The following PDE4D variants were observed in gnomAD, a reference collection of about 807,000 sequenced individuals.
PDE4D encodes the protein phosphodiesterase 4D.
A neutral mutation model predicts 87.4 loss-of-function variants in PDE4D; 24 were observed. The observed-to-expected ratio is 0.27, with a 90% CI of 0.20 to 0.39. PDE4D has a LOEUF of 0.39. PDE4D is among the 10% of genes least tolerant of loss of function. The probability of loss-of-function intolerance (pLI) is 1.00; values close to 1 mark genes in which losing one functional copy is unlikely to be tolerated. For missense variants in PDE4D, 714 were observed against 1,041.0 expected (o/e 0.69, Z 4.32); for synonymous variants, 384 against 383.2 (o/e 1.00, Z -0.02).
intron 5 of PDE4D, among the ~76,000 whole-genome samples, chr5:59,098,597 G>C (rs146646672): frequency 6.7e-6 from 1 of 150,018 alleles, no homozygotes; most frequent in Non-Finnish European, 1.5e-5. Flanking sequence ...CCAGCTACTC[G>C]TGAGGCTGAA....
chr5:59,865,309 G>A (rs1001939542), intron 1 of PDE4D, among the ~76,000 whole-genome samples: 5 of 152,166 alleles, frequency 3.3e-5, no homozygotes, highest in African/African-American at 9.7e-5. Flanking sequence ...TATGAGTAAC[G>A]AATATATTTT....
intron 1 of PDE4D, among the ~76,000 whole-genome samples, chr5:60,475,693 G>A (rs1275276174): frequency 1.3e-5 from 2 of 152,010 alleles, no homozygotes; most frequent in Admixed American, 1.3e-4. Context: ...AGACAGTAGT[G>A]TACAAAACAG....
At chr5:60,083,465 C>T (rs186088237) in intron 2 of PDE4D, among the ~76,000 whole-genome samples, 25 of 152,180 alleles carry the variant, frequency 1.6e-4, no homozygotes, top group Non-Finnish European at 2.2e-4. Flanking sequence ...TAAAACTCTA[C>T]AAAATCTAAT....
At chr5:59,374,039 G>C (rs1784342588) in intron 1 of PDE4D, among the ~76,000 whole-genome samples, 1 of 152,086 alleles carries the variant, frequency 6.6e-6, no homozygotes, top group African/African-American at 2.4e-5. Context: ...ACTAAATATA[G>C]AAAGGAAAGA....
At chr5:60,162,000 T>A (rs767103090) in intron 2 of PDE4D, among the ~76,000 whole-genome samples, 1 of 152,102 alleles carries the variant, frequency 6.6e-6, no homozygotes, top group Non-Finnish European at 1.5e-5. Context: ...ACCAAAAGCA[T>A]CAACCTACCA....
chr5:60,082,826 A>C (rs13164971), intron 2 of PDE4D, among the ~76,000 whole-genome samples: 44,738 of 152,018 alleles, frequency 0.29, 7,353 homozygotes, highest in East Asian at 0.75. Context: ...CTGGCCTCCC[A>C]TCAGTTCCTC....
chr5:60,208,310 T>C (rs1035061416), intron 1 of PDE4D, among the ~76,000 whole-genome samples: 1 of 152,146 alleles, frequency 6.6e-6, no homozygotes, highest in African/African-American at 2.4e-5. Flanking sequence ...AACAGCTTAA[T>C]GGAGGGGCAG....
At chr5:59,656,272 A>G (rs1744342169) in intron 1 of PDE4D, among the ~76,000 whole-genome samples, 1 of 152,062 alleles carries the variant, frequency 6.6e-6, no homozygotes, top group Non-Finnish European at 1.5e-5. Context: ...CACACATACA[A>G]TAAACTCACA....
At chr5:60,422,698 T>G (rs1222680206) in intron 1 of PDE4D, among the ~76,000 whole-genome samples, 1 of 152,144 alleles carries the variant, frequency 6.6e-6, no homozygotes, top group Admixed American at 6.5e-5. Context: ...ATAACAATAT[T>G]AACCTTAAAT....
At chr5:60,338,656 T>C (rs924374742) in intron 1 of PDE4D, among the ~76,000 whole-genome samples, 19 of 152,144 alleles carry the variant, frequency 1.2e-4, no homozygotes, top group African/African-American at 4.3e-4. Context: ...CTTCGAGGTA[T>C]GGAAGTGCTT....
chr5:59,744,406 A>G (rs1403239067), intron 1 of PDE4D, among the ~76,000 whole-genome samples: 1 of 152,166 alleles, frequency 6.6e-6, no homozygotes, highest in Admixed American at 6.6e-5. Context: ...ACTTTTGATC[A>G]CTTTACAAGG....
chr5:59,868,409 A>G (rs1224513377), intron 1 of PDE4D, among the ~76,000 whole-genome samples: 1 of 152,142 alleles, frequency 6.6e-6, no homozygotes, highest in African/African-American at 2.4e-5. Flanking sequence ...TATGCATCAC[A>G]TTGTATAGCT....
intron 1 of PDE4D, among the ~76,000 whole-genome samples, chr5:59,306,308 C>G (rs1001446054): frequency 6.6e-6 from 1 of 152,146 alleles, no homozygotes; most frequent in African/African-American, 2.4e-5. Context: ...CTCCTGAAGG[C>G]AGCAGATAGT....
intron 1 of PDE4D, among the ~76,000 whole-genome samples, chr5:59,643,977 G>A (rs1742031601): frequency 1.3e-5 from 2 of 152,134 alleles, no homozygotes; most frequent in African/African-American, 4.8e-5. Flanking sequence ...ACTTCAAGAA[G>A]AGAAGTATGC....
chr5:58,997,837 G>C (rs6886495), intron 6 of PDE4D, among the ~76,000 whole-genome samples: 15,329 of 152,028 alleles, frequency 0.1, 1,034 homozygotes, highest in Non-Finnish European at 0.13. Context: ...ATTTACATTA[G>C]GCATTTAAGA....
In PDE4D at chr5:59,085,661, A is replaced by T. The variant is rs543840838; in HGVS notation, c.809-46690T>A. Among the ~76,000 whole-genome samples, 3 of 152,328 alleles carry T rather than the reference A, an allele frequency of 2.0e-5. No individual in the cohort carries two copies. In the East Asian group the frequency reaches 5.8e-4, roughly 29 times the overall value. On this transcript the variant is annotated intron_variant, in intron 5 of 14. Coordinates refer to ENST00000340635, the MANE Select transcript of PDE4D (RefSeq NM_001104631.2). ...GTCCCAGGCACGGCAAAATGTGCGG[A>T]TACCCTGGAGATGTATCTTGACTTT... is the stretch of plus-strand genomic sequence containing the variant.
At chr5:59,326,490 G>GAGGTGTT (rs1481767792) in intron 1 of PDE4D, among the ~76,000 whole-genome samples, 1 of 151,564 alleles carries the variant, frequency 6.6e-6, no homozygotes, top group Non-Finnish European at 1.5e-5. Context: ...AGTCCAAATT[G>GAGGTGTT]AGATGTGTCA....
At chr5:59,921,207 A>G (rs1034255526) in intron 3 of PDE4D, among the ~76,000 whole-genome samples, 1 of 152,206 alleles carries the variant, frequency 6.6e-6, no homozygotes, top group East Asian at 1.9e-4. Context: ...ATTAAAAATT[A>G]TTATTATTAG....
chr5:60,071,521 T>A (rs549260774), intron 2 of PDE4D, among the ~76,000 whole-genome samples: 1 of 152,156 alleles, frequency 6.6e-6, no homozygotes, highest in East Asian at 1.9e-4. Context: ...CAAATATTAT[T>A]CAAAAGATTT....
Sources: allele counts gnomAD v4.1 joint callset (sites outside exome capture counted in the v4.1 genomes callset), GRCh38; gene constraint gnomAD v4.1.1; transcripts MANE v1.5; gene names NCBI Gene and HGNC (gene_info 2026-07-23, HGNC 2026-07-21).